GLIS3: variants seen among roughly 807,000 people sequenced by gnomAD.
GLIS3 encodes the protein zinc finger protein GLIS3.
GLIS3 carries 53 observed loss-of-function variants against 78.6 expected under a neutral mutation model. The observed-to-expected ratio is 0.67, with a 90% CI of 0.54 to 0.85. The LOEUF (loss-of-function observed/expected upper bound fraction) is 0.85, where lower values mean the gene tolerates loss of function less well. Among genes scored for constraint, GLIS3 ranks in the 40% least tolerant of loss-of-function variants. The pLI is 0.00. For missense variants in GLIS3, 1,703 were observed against 1,231.1 expected, an observed-to-expected ratio of 1.38 and a Z score of -5.74; for synonymous variants, 684 against 509.9, an observed-to-expected ratio of 1.34 and a Z score of -4.60.
chr9:4,470,615 G>C, the GLIS3 span, among the ~76,000 whole-genome samples: 5 of 152,122 alleles, frequency 3.3e-5, no homozygotes, highest in African/African-American at 9.6e-5. Flanking sequence ...AAAATAATAA[G>C]AGCTATCTAT....
chr9:4,008,980 T>C lies in GLIS3; in HGVS notation c.1711-71791A>G, dbSNP rs490084. Among the ~76,000 whole-genome samples, 747 of 152,290 alleles carry C rather than the reference T, an allele frequency of 4.9e-3. 8 individuals carry two copies. Among genetic ancestry groups the C allele is most frequent in the African/African-American group, 0.018 (729 of 41,558 alleles). On this transcript the variant is annotated intron_variant, in intron 4 of 10. Coordinates refer to ENST00000381971, the MANE Select transcript of GLIS3 (RefSeq NM_001042413.2). ...AGCATGTGTTCTTCACAGGTTGGCT[T>C]TCTGCAGTGCATGAGAGAGATGCAT...
At chr9:4,273,829 C>A (rs1217492578) in intron 2 of GLIS3, among the ~76,000 whole-genome samples, 1 of 152,084 alleles carries the variant, frequency 6.6e-6, no homozygotes, top group Non-Finnish European at 1.5e-5. Flanking sequence ...TTCTCAGCTT[C>A]TTGACTCCAA....
At chr9:4,164,909 G>A (rs369925010) in intron 2 of GLIS3, among the ~76,000 whole-genome samples, 3 of 152,186 alleles carry the variant, frequency 2.0e-5, no homozygotes, top group African/African-American at 7.2e-5. Context: ...TAGCAGAGCA[G>A]CTGGAGTCTA....
the GLIS3 span, among the ~76,000 whole-genome samples, chr9:4,481,259 G>A: frequency 3.5e-4 from 54 of 152,238 alleles, no homozygotes; most frequent in African/African-American, 1.1e-3. Flanking sequence ...CGAGGCAGGC[G>A]GATCACCTGG....
intron 4 of GLIS3, among the ~76,000 whole-genome samples, chr9:3,993,493 T>C (rs1820498003): frequency 6.6e-6 from 1 of 152,208 alleles, no homozygotes; most frequent in South Asian, 2.1e-4. Flanking sequence ...TGAATGTATA[T>C]GTACATTTCA....
chr9:4,311,207 A>G (rs763876386), intron 2 of GLIS3, among the ~76,000 whole-genome samples: 15 of 152,116 alleles, frequency 9.9e-5, no homozygotes, highest in South Asian at 2.1e-4. Flanking sequence ...CCCGGAGTTC[A>G]AGACCAGCCT....
At chr9:4,371,076 C>G in the GLIS3 span, among the ~76,000 whole-genome samples, 1 of 152,120 alleles carries the variant, frequency 6.6e-6, no homozygotes, top group Non-Finnish European at 1.5e-5. Context: ...CTTGTATTGT[C>G]TAAAATTCTA....
intron 4 of GLIS3, among the ~76,000 whole-genome samples, chr9:4,086,238 G>T (rs1045858534): frequency 6.6e-6 from 1 of 152,144 alleles, no homozygotes; most frequent in Non-Finnish European, 1.5e-5. Flanking sequence ...CCTCAGTCTA[G>T]TGAAATCCTC....
intron 2 of GLIS3, among the ~76,000 whole-genome samples, chr9:4,328,883 A>T (rs1817641421): frequency 6.6e-6 from 1 of 152,220 alleles, no homozygotes; most frequent in East Asian, 1.9e-4. Context: ...TTAGAAGAGG[A>T]GTGTGACTCA....
intron 4 of GLIS3, among the ~76,000 whole-genome samples, chr9:4,012,981 C>T (rs112208260): frequency 0.016 from 2,438 of 152,002 alleles, 88 homozygotes; most frequent in African/African-American, 0.056. Flanking sequence ...CCATGTTGGC[C>T]AGGCTGGTCT....
intron 2 of GLIS3, among the ~76,000 whole-genome samples, chr9:4,205,595 G>A (rs575592931): frequency 3.9e-5 from 6 of 152,306 alleles, no homozygotes; most frequent in South Asian, 4.1e-4. Flanking sequence ...TGAGTAGCAC[G>A]GAGGAGCTGA....
At chr9:4,434,901 A>G in the GLIS3 span, among the ~76,000 whole-genome samples, 56 of 152,338 alleles carry the variant, frequency 3.7e-4, 1 homozygote, top group East Asian at 0.01. Flanking sequence ...AAATTCAAAG[A>G]AGATGTGATC....
intron 7 of GLIS3, among the ~76,000 whole-genome samples, chr9:3,882,546 C>G (rs79400187): frequency 1.3e-5 from 2 of 152,088 alleles, no homozygotes; most frequent in Non-Finnish European, 1.5e-5. Flanking sequence ...GTGGGGCACA[C>G]GAGGTGTCAG....
At chr9:4,273,017 G>A (rs552171617) in intron 2 of GLIS3, among the ~76,000 whole-genome samples, 2 of 152,278 alleles carry the variant, frequency 1.3e-5, no homozygotes, top group African/African-American at 4.8e-5. Context: ...GTGTATTGTG[G>A]TTTACATTTG....
At chr9:4,455,547 T>C in the GLIS3 span, among the ~76,000 whole-genome samples, 1 of 152,172 alleles carries the variant, frequency 6.6e-6, no homozygotes, top group Non-Finnish European at 1.5e-5. Flanking sequence ...TATAATTTGT[T>C]TGAGCGGATG....
At chr9:4,414,627 T>G in the GLIS3 span, among the ~76,000 whole-genome samples, 1 of 152,146 alleles carries the variant, frequency 6.6e-6, no homozygotes, top group Non-Finnish European at 1.5e-5. Context: ...CTTTTTTGGG[T>G]AACAAGGATT....
chr9:4,478,926 T>A, the GLIS3 span, among the ~76,000 whole-genome samples: 1 of 152,210 alleles, frequency 6.6e-6, no homozygotes, highest in Admixed American at 6.5e-5. Context: ...AGCAAACCTC[T>A]ACATCTAACT....
intron 4 of GLIS3, among the ~76,000 whole-genome samples, chr9:4,095,350 A>C (rs757641369): frequency 1.3e-5 from 2 of 152,198 alleles, no homozygotes; most frequent in Admixed American, 6.5e-5. Context: ...GATAGTAATG[A>C]AGGGGTTTCA....
the GLIS3 span, among the ~76,000 whole-genome samples, chr9:4,379,266 G>A: frequency 6.6e-6 from 1 of 152,142 alleles, no homozygotes; most frequent in Non-Finnish European, 1.5e-5. Flanking sequence ...TGCTGGCTAT[G>A]GGTCTCTTCT....
Sources: allele counts gnomAD v4.1 joint callset (sites outside exome capture counted in the v4.1 genomes callset), GRCh38; gene constraint gnomAD v4.1.1; transcripts MANE v1.5; gene names NCBI Gene and HGNC (gene_info 2026-07-23, HGNC 2026-07-21).